Variants in COL22A1 observed in about 807,000 individuals in gnomAD.
The protein encoded by COL22A1 is collagen alpha-1(XXII) chain.
COL22A1 carries 221 observed loss-of-function variants against 248.9 expected under a neutral mutation model. That is an observed-to-expected ratio of 0.89 (90% confidence interval 0.80 to 0.99). The LOEUF is 0.99. Ranked by LOEUF, COL22A1 falls within the 50% of genes least tolerant of loss-of-function variation. The pLI is 0.00. For missense variants in COL22A1, 2,240 were observed against 2,179.0 expected (o/e 1.03, Z -0.56); for synonymous variants, 891 against 793.4 (o/e 1.12, Z -2.07).
At chr8:138,722,179 G>A (rs199649954) in intron 25 of COL22A1, 90 bp from the exon 26 acceptor site, 12 of 1,152,016 alleles carry the variant, frequency 1.0e-5, no homozygotes, top group Middle Eastern at 4.0e-4. Context: ...AGCTGTTTTT[G>A]CAGCCAGAAT....
At chr8:138,713,771 T>C (rs1178314440) in intron 30 of COL22A1, among the ~76,000 whole-genome samples, 1 of 151,770 alleles carries the variant, frequency 6.6e-6, no homozygotes, top group East Asian at 1.9e-4. Context: ...AGCAGATCTC[T>C]AAAAATTCCA....
intron 7 of COL22A1, among the ~76,000 whole-genome samples, chr8:138,819,148 A>T (rs1457694124): frequency 6.6e-6 from 1 of 152,236 alleles, no homozygotes; most frequent in Non-Finnish European, 1.5e-5. Flanking sequence ...GCAAGTTATG[A>T]CAAAGTCTAT....
At chr8:138,653,000 G>A (rs1162011671) in intron 45 of COL22A1, among the ~76,000 whole-genome samples, 2 of 151,860 alleles carry the variant, frequency 1.3e-5, no homozygotes, top group African/African-American at 4.8e-5. Flanking sequence ...ACCTGCTTCG[G>A]CCTCCCTAAG....
intron 1 of COL22A1, among the ~76,000 whole-genome samples, chr8:138,899,302 G>T (rs1211049592): frequency 6.6e-6 from 1 of 152,034 alleles, no homozygotes; most frequent in Non-Finnish European, 1.5e-5. Context: ...ATTCGCTCAG[G>T]GCCACTTTAC....
intron 31 of COL22A1, among the ~76,000 whole-genome samples, chr8:138,700,474 A>G (rs1360470981): frequency 6.6e-6 from 1 of 152,140 alleles, no homozygotes; most frequent in African/African-American, 2.4e-5. Flanking sequence ...GCAGGTGTCC[A>G]TAAGAGCTCT....
chr8:138,807,336 A>C (rs1436689553), intron 10 of COL22A1, among the ~76,000 whole-genome samples: 2 of 152,204 alleles, frequency 1.3e-5, no homozygotes, highest in Non-Finnish European at 2.9e-5. Context: ...CTGAGGACAG[A>C]GGGGCCCTAC....
intron 22 of COL22A1, among the ~76,000 whole-genome samples, chr8:138,741,955 AGTGATG>A (rs113284336): frequency 0.21 from 29,886 of 144,492 alleles, 3,544 homozygotes; most frequent in African/African-American, 0.32. Context: ...TGATGATAGT[AGTGATG>A]GTGATGGTGA....
At chr8:138,685,495 C>T (rs1826279442) in intron 37 of COL22A1, among the ~76,000 whole-genome samples, 183 bp from the exon 38 acceptor site, 1 of 152,096 alleles carries the variant, frequency 6.6e-6, no homozygotes, top group South Asian at 2.1e-4. Flanking sequence ...ACATTGTGTT[C>T]CCCAAAATTC....
At chr8:138,861,497 A>G (rs12547472) in intron 3 of COL22A1, among the ~76,000 whole-genome samples, 126,253 of 152,204 alleles carry the variant, frequency 0.83, 52,778 homozygotes, top group East Asian at 0.97. Context: ...CAATGCTGAC[A>G]TCCTGCAGGA....
chr8:138,909,283 C>T (rs1815261230), intron 1 of COL22A1, among the ~76,000 whole-genome samples: 1 of 152,138 alleles, frequency 6.6e-6, no homozygotes, highest in South Asian at 2.1e-4. Context: ...ACCTCCAGAA[C>T]TTATTCATCT....
At chr8:138,664,201 GCGCGCGCGCACACACACACACACA>G (rs1824260638) in intron 41 of COL22A1, among the ~76,000 whole-genome samples, 1 of 87,872 alleles carries the variant, frequency 1.1e-5, no homozygotes. Flanking sequence ...GGGTGCGCGC[GCGCGCGCGCACACACACACACACA>G]CACACACACA....
chr8:138,601,237 C>T (rs758778616), intron 60 of COL22A1, among the ~76,000 whole-genome samples: 1 of 151,956 alleles, frequency 6.6e-6, no homozygotes, highest in Non-Finnish European at 1.5e-5. Flanking sequence ...CGCTCAGGAA[C>T]CAACAGCCAC....
chr8:138,906,109 G>A (rs1327736544), intron 1 of COL22A1, among the ~76,000 whole-genome samples: 1 of 152,136 alleles, frequency 6.6e-6, no homozygotes, highest in Non-Finnish European at 1.5e-5. Context: ...GGTGGCTCAC[G>A]CCTGTAATCC....
chr8:138,617,588 A>G (rs1819441456), intron 53 of COL22A1, among the ~76,000 whole-genome samples: 1 of 152,180 alleles, frequency 6.6e-6, no homozygotes. Flanking sequence ...TCTAACCTCC[A>G]GGCCAATCTG....
rs550584489 is a variant in COL22A1 at position 138,757,898 on chromosome 8, T to A, written c.1903-2069A>T. Among the ~76,000 whole-genome samples the A allele has an allele frequency of 7.9e-5, 12 of 152,344 alleles. No homozygotes were observed. The East Asian group carries it at 2.3e-3, about 29-fold the overall frequency. On this transcript the variant is annotated intron_variant, in intron 18 of 64. Transcript: ENST00000303045. The stretch of plus-strand genomic sequence containing the variant: ...GGCCCGTCTCCACGACGGTCCCCCG[T>A]AGTCCCTGCTTCCTGCATGCAACCC...
intron 28 of COL22A1, among the ~76,000 whole-genome samples, 159 bp downstream of exon 28, chr8:138,716,666 G>A (rs1277801348): frequency 3.3e-5 from 5 of 152,112 alleles, no homozygotes; most frequent in Non-Finnish European, 7.4e-5. Context: ...CGTGACATCT[G>A]TTCAATTGTT....
intron 32 of COL22A1, among the ~76,000 whole-genome samples, 181 bp downstream of exon 32, chr8:138,699,931 C>T (rs1408544467): frequency 6.6e-6 from 1 of 152,258 alleles, no homozygotes; most frequent in Non-Finnish European, 1.5e-5. Flanking sequence ...CTGGAGCCAG[C>T]TCCCTGCAAG....
chr8:138,721,150 C>A (rs953375058), intron 26 of COL22A1, among the ~76,000 whole-genome samples: 1 of 152,182 alleles, frequency 6.6e-6, no homozygotes, highest in African/African-American at 2.4e-5. Context: ...GAAAAAAATT[C>A]ACAATATTTA....
At chr8:138,760,119 G>C in intron 18 of COL22A1, 124 bp downstream of exon 18, 1 of 608,944 alleles carries the variant, frequency 1.6e-6, no homozygotes, top group Non-Finnish European at 2.7e-6. Context: ...ACCACCCTTT[G>C]TGTGTGCTTT....
Sources: allele counts gnomAD v4.1 joint callset (sites outside exome capture counted in the v4.1 genomes callset), GRCh38; gene constraint gnomAD v4.1.1; transcripts MANE v1.5; gene names NCBI Gene and HGNC (gene_info 2026-07-23, HGNC 2026-07-21).